Variants in SF3B1 observed in about 807,000 individuals in gnomAD.
SF3B1 encodes the protein pre-mRNA processing 10.
Under a neutral mutation model 153.8 loss-of-function variants are expected in SF3B1, and 12 were observed. That is an observed-to-expected ratio of 0.08 (90% CI 0.05 to 0.13). The LOEUF (loss-of-function observed/expected upper bound fraction) is 0.13, where lower values mean the gene tolerates loss of function less well. Among genes scored for constraint, SF3B1 ranks in the 10% least tolerant of loss-of-function variants. SF3B1 has a pLI of 1.00. For missense variants in SF3B1, 513 were observed against 1,606.1 expected (o/e 0.32, Z 11.63); for synonymous variants, 498 against 525.2 (o/e 0.95, Z 0.71).
intron 2 of SF3B1, 73 bp from the exon 3 acceptor site, chr2:197,421,206 T>A (rs990125294): frequency 1.0e-6 from 1 of 973,248 alleles, no homozygotes; most frequent in Non-Finnish European, 1.6e-6. Context: ...TATGCAAAGA[T>A]TCAAAATGAA....
At chr2:197,393,329 G>A (rs960895535) in intron 23 of SF3B1, 141 bp from the exon 24 acceptor site, 1 of 634,486 alleles carries the variant, frequency 1.6e-6, no homozygotes, top group African/African-American at 1.8e-5. Flanking sequence ...GCACTGAATA[G>A]ATGTGAAGTC....
chr2:197,398,924 T>C (rs750722939), intron 20 of SF3B1: 14 of 561,538 alleles, frequency 2.5e-5, no homozygotes, highest in South Asian at 2.0e-4. Context: ...AAGCCAGAGG[T>C]AAACATGTAA....
At chr2:197,399,978 A>G (rs2084921497) in intron 20 of SF3B1, 77 bp downstream of exon 20, 1 of 1,033,736 alleles carries the variant, frequency 9.7e-7, no homozygotes, top group Non-Finnish European at 1.5e-6. Context: ...CTCCTAAATA[A>G]GATTTTACTT....
In SF3B1 at chr2:197,402,571, C is replaced by T. The variant is rs2105986531; in HGVS notation, c.2062G>A (p.Glu688Lys). 6.2e-7 allele frequency: 1 copy of T among 1,612,708 alleles called. No individual in the cohort carries two copies. The highest frequency in any genetic ancestry group is 8.5e-7 in the Non-Finnish European group (1 of 1,178,960). Residue 688 changes from glutamate to lysine, a missense_variant, in exon 14 of 25, where the codon GAA (glutamate) becomes AAA (lysine). Glu to Lys is a moderately conservative substitution (Grantham distance 56, BLOSUM62 1). Coordinates refer to ENST00000335508, the MANE Select transcript of SF3B1 (RefSeq NM_012433.4). This position sits in a 1 kb window ranked among gnomAD's most constrained non-coding sequence, Gnocchi z 4.6. ...TACAACTTACCATGTTCAATGATTT[C>T]AACTAAACTTCTAAGATGTGGCAAG... ...AILPHLRSLV[E>K]IIEHGLVDEQ...
chr2:197,419,061 T>C, intron 4 of SF3B1: 1 of 829,912 alleles, frequency 1.2e-6, no homozygotes, highest in Non-Finnish European at 2.0e-6. Flanking sequence ...TATGACTAGA[T>C]AAGTTCTTCA....
rs372811993 is a variant in SF3B1, at chr2:197,401,380, C to A, written c.2496+20G>T. ...AGTTGAAAGGACTTTTGAGAATATTCTTTTACAATAAAAGCTTACCTGTCG... is the reference window on the plus strand; with the variant it reads ...AGTTGAAAGGACTTTTGAGAATATTATTTTACAATAAAAGCTTACCTGTCG... On this transcript the variant is annotated intron_variant, in intron 17 of 24. Coordinates refer to ENST00000335508, the MANE Select transcript of SF3B1 (RefSeq NM_012433.4). The surrounding 1 kb of genome is among the most constrained non-coding windows in gnomAD (Gnocchi z 4.2). 3.6e-5 allele frequency: 57 copies of A among 1,581,636 alleles called. No homozygotes were observed. The African/African-American group carries it at 5.9e-4, about 16-fold the overall frequency.
chr2:197,409,625 C>G (rs2085039680), intron 7 of SF3B1, 145 bp downstream of exon 7: 4 of 712,576 alleles, frequency 5.6e-6, no homozygotes, highest in South Asian at 3.5e-5. Flanking sequence ...AAAAATTAGG[C>G]ATATGAACTG....
chr2:197,427,786 C>T (rs1359739485), intron 1 of SF3B1, among the ~76,000 whole-genome samples: 4 of 151,992 alleles, frequency 2.6e-5, no homozygotes, highest in African/African-American at 7.2e-5. Flanking sequence ...TTTGGGAGGC[C>T]GAGGCGGGTG....
At position 197,401,899 on chromosome 2, in the gene SF3B1, A is replaced by G. The variant is rs1289033088; in HGVS notation, c.2224-11T>C. On this transcript the variant is annotated splice_polypyrimidine_tract_variant and intron_variant, in intron 15 of 24. Coordinates refer to ENST00000335508, the MANE Select transcript of SF3B1 (RefSeq NM_012433.4). The surrounding 1 kb of genome is among the most constrained non-coding windows in gnomAD (Gnocchi z 4.2). Reference sequence around the variant, plus strand: ...GAAAGCAGCCAAACCCTATTTTTAAATAAAAAATATATGTACTTTAGTAAT... The same window carrying G: ...GAAAGCAGCCAAACCCTATTTTTAAGTAAAAAATATATGTACTTTAGTAAT... The G allele has an allele frequency of 6.3e-7, 1 of 1,582,002 alleles. No homozygotes were observed. Among genetic ancestry groups the G allele is most frequent in the Non-Finnish European group, 8.6e-7 (1 of 1,168,940 alleles).
intron 23 of SF3B1, chr2:197,393,427 C>A: frequency 2.0e-6 from 1 of 497,290 alleles, no homozygotes; most frequent in East Asian, 3.4e-5. Flanking sequence ...CACTATGGCT[C>A]AACAATTAAG....
At chr2:197,418,325 A>T (rs1192627984) in intron 5 of SF3B1, among the ~76,000 whole-genome samples, 184 bp downstream of exon 5, 2 of 150,562 alleles carry the variant, frequency 1.3e-5, no homozygotes, top group Non-Finnish European at 3.0e-5. Context: ...CTAGAAAAGG[A>T]TATAGAAATG....
In SF3B1 at chr2:197,405,448, C is replaced by T. The variant is rs899114931; in HGVS notation, c.1264G>A (p.Val422Ile). The change falls in exon 10 of 25, where the codon GTT becomes ATT. Residue 422 changes from valine (V) to isoleucine (I), a missense_variant. Physicochemically the swap from Val to Ile is conservative, Grantham distance 29. This residue lies in a region of SF3B1 where 15 missense variants were observed against 94.8 expected (regional missense o/e 0.16). Coordinates refer to ENST00000335508, the MANE Select transcript of SF3B1 (RefSeq NM_012433.4). Reference sequence around the variant, plus strand: ...TTTCGAGCTGGAGTTCGAATAGGAACATAACCAGCTGGAGGAGGAAGTACC... The same window carrying T: ...TTTCGAGCTGGAGTTCGAATAGGAATATAACCAGCTGGAGGAGGAAGTACC... The part of the protein sequence containing the change: ...YKVLPPPAGY[V>I]PIRTPARKLT... 6.2e-7 allele frequency: 1 copy of T among 1,613,054 alleles called. No individual in the cohort carries two copies. Among genetic ancestry groups the T allele is most frequent in the Non-Finnish European group, 8.5e-7 (1 of 1,179,468 alleles).
chr2:197,435,074 A>C, upstream of SF3B1: 2 of 1,611,424 alleles, frequency 1.2e-6, no homozygotes, highest in Non-Finnish European at 1.7e-6. Flanking sequence ...ACGGAGAAAA[A>C]TAGCTGGGGG....
At chr2:197,431,964 A>T (rs2106027162) in intron 1 of SF3B1, among the ~76,000 whole-genome samples, 1 of 152,238 alleles carries the variant, frequency 6.6e-6, no homozygotes, top group South Asian at 2.1e-4. Flanking sequence ...CTCTAAAAAA[A>T]AATTGTAAAA....
intron 23 of SF3B1, among the ~76,000 whole-genome samples, chr2:197,393,754 T>G (rs1359664805): frequency 1.3e-5 from 2 of 152,134 alleles, no homozygotes; most frequent in African/African-American, 4.8e-5. Flanking sequence ...CCTGGCCATC[T>G]AATTAACTTT....
chr2:197,409,676 A>G lies in SF3B1; in HGVS notation c.904+94T>C, dbSNP rs925185319. 1.8e-5 allele frequency: 17 copies of G among 962,580 alleles called. No individual in the cohort carries two copies. The Admixed American group carries it at 3.0e-4, about 17-fold the overall frequency. 59.6% of individuals were successfully genotyped at this position (962,580 alleles called of 1,614,324 possible). On this transcript the variant is annotated intron_variant, in intron 7 of 24. Transcript: ENST00000335508. ...GTCCCCCAAAAGCAGCTGGTTATTT[A>G]TACGTGTCCACCCAGGAATAAACAG...
chr2:197,418,628 A>G (rs1013146370), intron 4 of SF3B1, 40 bp from the exon 5 acceptor site: 1 of 1,591,676 alleles, frequency 6.3e-7, no homozygotes, highest in Non-Finnish European at 8.6e-7. Context: ...AGTACAATAA[A>G]TAAAAAATAA....
Position 197,396,214 on chromosome 2 carries a change from T to A in SF3B1, c.3381A>T (p.Thr1127=), listed in dbSNP as rs1324620553. ...AIVAETCSPF[T]VLPALMNEYR... The stretch of plus-strand genomic sequence containing the variant: ...ATTCATTCATTAAGGCAGGGAGTAC[T>A]GTAAAGGGTGAACATGTTTCTGCAA... Residue 1127 remains threonine, a synonymous_variant, in exon 23 of 25, where the codon ACA becomes ACT. Transcript: ENST00000335508. 1 of 1,613,858 alleles carries A rather than the reference T, an allele frequency of 6.2e-7. No individual in the cohort carries two copies. The highest frequency in any genetic ancestry group is 8.5e-7 in the Non-Finnish European group (1 of 1,179,904).
chr2:197,431,198 A>C (rs964274947), intron 1 of SF3B1, among the ~76,000 whole-genome samples: 1 of 141,776 alleles, frequency 7.1e-6, no homozygotes, highest in Non-Finnish European at 1.5e-5. Context: ...GCTCACTGCA[A>C]CCTTCGCCTC....
Sources: gnomAD v4.1 joint callset for allele counts (sites outside exome capture counted in the v4.1 genomes callset) on GRCh38, gnomAD v4.1.1 for gene constraint, gnomAD v4.1.1 regional missense constraint, Gnocchi (gnomAD v3.1) non-coding constraint, MANE v1.5 for transcripts, NCBI Gene and HGNC (gene_info 2026-07-23, HGNC 2026-07-21) for gene names.